The following DENND1A variants were observed in gnomAD, a reference collection of about 807,000 sequenced individuals.
The protein encoded by DENND1A is DENN domain containing 1A.
Under a neutral mutation model 113.7 loss-of-function variants are expected in DENND1A, and 51 were observed. The ratio of observed to expected loss-of-function variants is 0.45; its 90% CI spans 0.36 to 0.57. The LOEUF is 0.57. DENND1A is among the 20% of genes least tolerant of loss of function. DENND1A has a pLI of 0.00. For missense variants in DENND1A, 1,258 were observed against 1,395.9 expected (o/e 0.90, Z 1.57); for synonymous variants, 565 against 570.8 (o/e 0.99, Z 0.14).
intron 21 of DENND1A, among the ~76,000 whole-genome samples, chr9:123,396,157 C>G (rs112574617): frequency 6.6e-6 from 1 of 152,120 alleles, no homozygotes; most frequent in Non-Finnish European, 1.5e-5. Flanking sequence ...GGAGGCCACG[C>G]GCTCTGCTCA....
At chr9:123,644,391 A>AC (rs1215162761) in intron 9 of DENND1A, among the ~76,000 whole-genome samples, 19 of 148,616 alleles carry the variant, frequency 1.3e-4, no homozygotes, top group Non-Finnish European at 9.1e-5. Context: ...AAAAAAAAAA[A>AC]AAAAAAAAAA....
intron 13 of DENND1A, among the ~76,000 whole-genome samples, chr9:123,522,640 A>C (rs1023557080): frequency 6.6e-6 from 1 of 152,236 alleles, no homozygotes; most frequent in African/African-American, 2.4e-5. Flanking sequence ...GTGGGTGACC[A>C]GATGCCCATT....
At chr9:123,867,028 T>C (rs537785137) in intron 2 of DENND1A, among the ~76,000 whole-genome samples, 28 of 152,210 alleles carry the variant, frequency 1.8e-4, no homozygotes, top group Non-Finnish European at 3.1e-4. Flanking sequence ...TCTAAGAACA[T>C]ATTAAAGGTA....
At chr9:123,452,159 A>G (rs552832788) in intron 17 of DENND1A, 117 bp downstream of exon 17, 5 of 924,056 alleles carry the variant, frequency 5.4e-6, no homozygotes, top group Non-Finnish European at 6.8e-6. Context: ...GCACCACTGC[A>G]CTCCAGCCTG....
rs537246164 is a variant in DENND1A, at chr9:123,780,074, G to A, written c.133-10511C>T. ...TCGCCATGTTGGCCAGGCTAGTCTC[G>A]AACTCCTGACGTCAAGTGATCTGCC... is the stretch of plus-strand genomic sequence containing the variant. On this transcript the variant is annotated intron_variant, in intron 3 of 23. Transcript: ENST00000394215. 6.6e-5 allele frequency among the ~76,000 whole-genome samples: 10 copies of A among 152,154 alleles called. No individual in the cohort carries two copies. The South Asian group carries it at 1.5e-3, about 22-fold the overall frequency.
chr9:123,834,387 T>A (rs1375971215), intron 2 of DENND1A, among the ~76,000 whole-genome samples: 1 of 152,150 alleles, frequency 6.6e-6, no homozygotes, highest in Non-Finnish European at 1.5e-5. Context: ...TTCCCCCATT[T>A]TACAGATAAG....
intron 1 of DENND1A, among the ~76,000 whole-genome samples, chr9:123,914,565 A>AG (rs1854722809): frequency 6.8e-6 from 1 of 148,122 alleles, no homozygotes; most frequent in East Asian, 1.9e-4. Context: ...AAAAAAAAAG[A>AG]AATACCCAAG....
intron 5 of DENND1A, among the ~76,000 whole-genome samples, chr9:123,739,287 G>T (rs1414087091): frequency 1.3e-5 from 2 of 152,158 alleles, no homozygotes; most frequent in Non-Finnish European, 2.9e-5. Context: ...CGCACAAAAA[G>T]TGTGCAGAAA....
chr9:123,404,163 C>T (rs1012060663), intron 20 of DENND1A, among the ~76,000 whole-genome samples: 2 of 152,188 alleles, frequency 1.3e-5, no homozygotes, highest in African/African-American at 4.8e-5. Context: ...AACTTCCTAA[C>T]CCCACAGCTG....
intron 2 of DENND1A, among the ~76,000 whole-genome samples, chr9:123,802,490 T>C (rs1322927334): frequency 6.6e-6 from 1 of 152,226 alleles, no homozygotes; most frequent in African/African-American, 2.4e-5. Flanking sequence ...CCACTCACTC[T>C]AACACCACTC....
At chr9:123,799,327 A>C (rs1834260926) in intron 2 of DENND1A, among the ~76,000 whole-genome samples, 1 of 152,212 alleles carries the variant, frequency 6.6e-6, no homozygotes, top group African/African-American at 2.4e-5. Flanking sequence ...ACTTGTCCAA[A>C]GTTAGAAAAT....
chr9:123,895,325 A>G (rs1159844122), intron 1 of DENND1A, among the ~76,000 whole-genome samples: 5 of 152,154 alleles, frequency 3.3e-5, no homozygotes, highest in African/African-American at 1.2e-4. Context: ...CTTGCAAGAA[A>G]ATAACAAAGA....
chr9:123,450,787 T>C, intron 17 of DENND1A, 38 bp from the exon 18 acceptor site: 1 of 1,559,340 alleles, frequency 6.4e-7, no homozygotes, highest in Non-Finnish European at 8.8e-7. Context: ...ATTCCCTTTC[T>C]GTTTCCAGCA....
chr9:123,407,421 G>A (rs990711678), intron 20 of DENND1A, among the ~76,000 whole-genome samples: 9 of 152,030 alleles, frequency 5.9e-5, no homozygotes, highest in African/African-American at 2.2e-4. Context: ...CGCAAGAGGT[G>A]AAGGCACACG....
chr9:123,549,954 T>C (rs886757702), intron 13 of DENND1A, among the ~76,000 whole-genome samples: 7 of 152,216 alleles, frequency 4.6e-5, no homozygotes, highest in East Asian at 1.9e-4. Context: ...GTTTTTATTG[T>C]TTTTTCATAA....
At chr9:123,615,377 C>T (rs1213683233) in intron 10 of DENND1A, among the ~76,000 whole-genome samples, 4 of 152,244 alleles carry the variant, frequency 2.6e-5, no homozygotes, top group Non-Finnish European at 5.9e-5. Context: ...AAGCAAGCTT[C>T]TTATTTCCTG....
intron 2 of DENND1A, among the ~76,000 whole-genome samples, chr9:123,827,972 C>G (rs1839617584): frequency 6.6e-6 from 1 of 152,056 alleles, no homozygotes; most frequent in Non-Finnish European, 1.5e-5. Context: ...GAATATACAA[C>G]AATTGGCACT....
chr9:123,707,304 G>C (rs2066284465), intron 5 of DENND1A, among the ~76,000 whole-genome samples: 1 of 151,886 alleles, frequency 6.6e-6, no homozygotes, highest in African/African-American at 2.4e-5. Flanking sequence ...TGAGGCAGGA[G>C]AATCACTTGA....
intron 2 of DENND1A, among the ~76,000 whole-genome samples, chr9:123,811,802 A>G (rs1018460407): frequency 7.2e-5 from 11 of 152,176 alleles, no homozygotes; most frequent in African/African-American, 2.7e-4. Context: ...CTCTTTGCCA[A>G]ACATCCATCA....
Sources: allele counts gnomAD v4.1 joint callset (sites outside exome capture counted in the v4.1 genomes callset), GRCh38; gene constraint gnomAD v4.1.1; transcripts MANE v1.5; gene names NCBI Gene and HGNC (gene_info 2026-07-23, HGNC 2026-07-21).